ZMYM6: variants seen among roughly 807,000 people sequenced by gnomAD.
ZMYM6 encodes zinc finger MYM-type protein 6.
ZMYM6 carries 90 observed loss-of-function variants against 134.0 expected under a neutral mutation model. The ratio of observed to expected loss-of-function variants is 0.67; its 90% CI spans 0.57 to 0.80. The LOEUF (loss-of-function observed/expected upper bound fraction) is 0.80, where lower values mean the gene tolerates loss of function less well. Ranked by LOEUF, ZMYM6 falls within the 30% of genes least tolerant of loss-of-function variation. The pLI is 0.00. For synonymous variants in ZMYM6, 481 were observed against 524.1 expected (o/e 0.92, Z 1.12); for missense variants, 1,362 against 1,533.9 (o/e 0.89, Z 1.87).
Position 34,988,296 on chromosome 1 carries a change from C to T in ZMYM6, c.2786G>A (p.Arg929His), listed in dbSNP as rs774057037. Residue 929 changes from arginine to histidine, a missense_variant, in exon 16 of 16, where the codon CGT becomes CAT. This residue lies in a region of ZMYM6 where 824 missense variants were observed against 940.9 expected (regional missense o/e 0.88). Coordinates refer to ENST00000357182, the MANE Select transcript of ZMYM6 (RefSeq NM_007167.4). ...ATCACGACAATCATAATCAATGAAA[C>T]GAATATAGCACAAAAGAAGTGTGAT... Reference protein sequence around the residue: ...SNITLLLCYIRFIDYDCRDVK... With the variant: ...SNITLLLCYIHFIDYDCRDVK... The T allele has an allele frequency of 9.7e-6, 15 of 1,550,552 alleles. No individual in the cohort carries two copies. Among genetic ancestry groups the T allele is most frequent in the South Asian group, 2.4e-5 (2 of 83,906 alleles).
intron 2 of ZMYM6, 91 bp from the exon 3 acceptor site, chr1:35,020,558 T>A: frequency 3.0e-4 from 141 of 472,000 alleles, no homozygotes; most frequent in Non-Finnish European, 4.5e-4. Flanking sequence ...TATTCTATCC[T>A]ATTCATCTCC....
At chr1:35,023,560 A>G (rs1448669182) in intron 2 of ZMYM6, among the ~76,000 whole-genome samples, 1 of 150,700 alleles carries the variant, frequency 6.6e-6, no homozygotes, top group Non-Finnish European at 1.5e-5. Context: ...CAAAATGAAG[A>G]GGACATTAAA....
At chr1:35,025,376 A>C (rs1569797325) in intron 2 of ZMYM6, among the ~76,000 whole-genome samples, 1 of 148,168 alleles carries the variant, frequency 6.7e-6, no homozygotes, top group South Asian at 2.2e-4. Flanking sequence ...CTGAGGCAGG[A>C]GAACTGCGTG....
chr1:35,014,597 G>C, intron 6 of ZMYM6, 100 bp downstream of exon 6: 1 of 1,129,570 alleles, frequency 8.9e-7, no homozygotes, highest in Admixed American at 2.4e-5. Context: ...ATATCAGGAT[G>C]GACTAATGGG....
chr1:35,011,371 A>AC (rs1641083183), intron 8 of ZMYM6, among the ~76,000 whole-genome samples: 1 of 152,102 alleles, frequency 6.6e-6, no homozygotes, highest in South Asian at 2.1e-4. Flanking sequence ...CACAATAGCT[A>AC]CCAGCAGTCT....
chr1:35,008,501 G>A (rs1225024686), intron 11 of ZMYM6, among the ~76,000 whole-genome samples: 1 of 152,084 alleles, frequency 6.6e-6, no homozygotes, highest in Non-Finnish European at 1.5e-5. Context: ...GTCAAATAAG[G>A]GCAAAGTGCC....
At chr1:35,017,109 C>A (rs1641215811) in intron 4 of ZMYM6, 1 of 152,106 alleles carries the variant, frequency 6.6e-6, no homozygotes, top group Admixed American at 6.5e-5. Flanking sequence ...TTGTCAAAGT[C>A]ATATTGCTAG....
chr1:35,012,384 TC>T (rs776816133), intron 7 of ZMYM6, 46 bp downstream of exon 7: 40 of 1,373,114 alleles, frequency 2.9e-5, no homozygotes, highest in Non-Finnish European at 3.7e-5. Flanking sequence ...GTTACGTTTT[TC>T]TTCAATAGTT....
intron 2 of ZMYM6, among the ~76,000 whole-genome samples, chr1:35,029,229 C>T (rs1013479758): frequency 2.6e-5 from 4 of 152,058 alleles, no homozygotes; most frequent in African/African-American, 9.7e-5. Context: ...AGGATAAAAA[C>T]CAAAATTTAT....
rs1640615212 is a variant in ZMYM6, at chr1:34,988,704, T to C, written c.2378A>G (p.His793Arg). The C allele has an allele frequency of 1.3e-6, 2 of 1,550,998 alleles. No homozygotes were observed. The highest frequency in any genetic ancestry group is 8.7e-7 in the Non-Finnish European group (1 of 1,146,854). ...TACTGGTTTGTTTTCTAATTCTGAA[T>C]GTTTTGTCTTCAAATGATGAGAAAG... ...ANLSHHLKTK[H>R]SELENKPVDF... The change falls in exon 16 of 16, where the codon CAT becomes CGT. Residue 793 changes from histidine to arginine, a missense_variant. His to Arg is a conservative substitution (Grantham distance 29). Around this residue, in one of 3 missense-constraint regions of ZMYM6, gnomAD observed 824 missense variants for 940.9 expected, o/e 0.88. Coordinates refer to ENST00000357182, the MANE Select transcript of ZMYM6 (RefSeq NM_007167.4).
At chr1:35,009,561 T>A (rs933323497) in intron 10 of ZMYM6, among the ~76,000 whole-genome samples, 2 of 152,374 alleles carry the variant, frequency 1.3e-5, no homozygotes, top group East Asian at 3.9e-4. Context: ...GCTAAACTTA[T>A]GAAGAGATTT....
Position 34,986,933 on chromosome 1 carries a change from A to G in ZMYM6, c.*171T>C, listed in dbSNP as rs1459713977. On this transcript the variant is annotated 3_prime_UTR_variant, in exon 16 of 16. Transcript: ENST00000357182. Reference sequence around the variant, plus strand: ...TTTCTACCCTAGATTATAATTATACATAATTATTTATAACAATCATAATTA... The same window carrying G: ...TTTCTACCCTAGATTATAATTATACGTAATTATTTATAACAATCATAATTA... 3 of 414,614 alleles carry G rather than the reference A, an allele frequency of 7.2e-6. No individual in the cohort carries two copies. Among genetic ancestry groups the G allele is most frequent in the East Asian group, 7.8e-5 (2 of 25,642 alleles). 25.7% of individuals were successfully genotyped at this position (414,614 alleles called of 1,614,324 possible). A position where few individuals can be genotyped will look rare whatever the true frequency, so the allele number is the denominator to read the frequency against.
At chr1:34,996,394 A>G (rs1640784938) in intron 14 of ZMYM6, among the ~76,000 whole-genome samples, 1 of 152,316 alleles carries the variant, frequency 6.6e-6, no homozygotes, top group African/African-American at 2.4e-5. Flanking sequence ...AAAAAATTCT[A>G]TGAATGTTTC....
intron 4 of ZMYM6, among the ~76,000 whole-genome samples, chr1:35,015,743 A>AAAAAAAATATATATATAT: frequency 1.1e-4 from 12 of 106,446 alleles, no homozygotes; most frequent in African/African-American, 6.6e-4. Flanking sequence ...AAAAAAAAAA[A>AAAAAAAATATATATATAT]ATATATATAT....
In ZMYM6 at chr1:35,020,478, A is replaced by AG. The variant is rs755592238; in HGVS notation, c.94-12_94-11insC. Reference sequence around the variant, plus strand: ...GACACATCCATACTCCTTTAAAAAAAAAAAGAAAAGAGAAAAGAGCAATGA... The same window carrying AG: ...GACACATCCATACTCCTTTAAAAAAAGAAAAGAAAAGAGAAAAGAGCAATGA... On this transcript the variant is annotated splice_polypyrimidine_tract_variant and intron_variant, in intron 2 of 15. Coordinates refer to ENST00000357182, the MANE Select transcript of ZMYM6 (RefSeq NM_007167.4). 1.9e-6 allele frequency: 3 copies of AG among 1,575,742 alleles called. No homozygotes were observed. Among genetic ancestry groups the AG allele is most frequent in the African/African-American group, 2.8e-5 (2 of 72,370 alleles).
chr1:35,012,708 A>T, intron 6 of ZMYM6, 127 bp from the exon 7 acceptor site: 1 of 1,454,900 alleles, frequency 6.9e-7, no homozygotes, highest in South Asian at 1.5e-5. Context: ...ATGATGATGA[A>T]ACCACACTAT....
chr1:35,013,420 A>G, intron 6 of ZMYM6: 1 of 984,064 alleles, frequency 1.0e-6, no homozygotes, highest in African/African-American at 1.7e-5. Flanking sequence ...GTTTCACTAC[A>G]TAATCTTCCT....
chr1:35,030,664 T>C lies in ZMYM6; in HGVS notation c.-25A>G, dbSNP rs1210704625. On this transcript the variant is annotated 5_prime_UTR_variant, in exon 2 of 16. Coordinates refer to ENST00000357182, the MANE Select transcript of ZMYM6 (RefSeq NM_007167.4). ...TTCTAATTTTTTACCTCAAAGAGTG[T>C]CTCAGGCTCAAACGAATAGATTTCT... 8.1e-6 allele frequency: 13 copies of C among 1,599,848 alleles called. No homozygotes were observed. Among genetic ancestry groups the C allele is most frequent in the South Asian group, 1.1e-5 (1 of 89,436 alleles).
In ZMYM6 at chr1:34,987,385, C is replaced by T. The variant is rs16837147; in HGVS notation, c.3697G>A (p.Glu1233Lys). ...QNNNLTDFEEEKLTELSSDLG... is the reference protein window; with the variant it reads ...QNNNLTDFEEKKLTELSSDLG... ...TCTGAAGATAGCTCTGTTAGCTTTT[C>T]TTCTTCGAAGTCGGTGAGATTATTA... Residue 1233 changes from glutamate (E) to lysine (K), a missense_variant, in exon 16 of 16, where the codon GAA becomes AAA. Transcript: ENST00000357182. 0.014 allele frequency: 22,134 copies of T among 1,613,918 alleles called. 1,460 individuals are homozygous for T. In the African/African-American group the frequency reaches 0.19, roughly 14 times the overall value.
Sources: allele counts gnomAD v4.1 joint callset (sites outside exome capture counted in the v4.1 genomes callset), GRCh38; gene constraint gnomAD v4.1.1; regional missense constraint gnomAD v4.1.1; transcripts MANE v1.5; gene names NCBI Gene and HGNC (gene_info 2026-07-23, HGNC 2026-07-21).